Variants in LILRA2 observed in about 807,000 individuals in gnomAD.
LILRA2 encodes leukocyte immunoglobulin like receptor A2.
LILRA2 carries 45 observed loss-of-function variants against 47.9 expected under a neutral mutation model. That is an observed-to-expected ratio of 0.94 (90% CI 0.74 to 1.20). The LOEUF is 1.20. Among genes scored for constraint, LILRA2 ranks in the 50% most tolerant of loss-of-function variants. LILRA2 has a pLI of 0.00. For synonymous variants in LILRA2, 279 were observed against 249.2 expected (o/e 1.12, Z -1.13); for missense variants, 651 against 598.2 (o/e 1.09, Z -0.92).
intron 6 of LILRA2, among the ~76,000 whole-genome samples, chr19:54,578,074 T>C (rs2062527937): frequency 6.6e-6 from 1 of 151,692 alleles, no homozygotes; most frequent in Admixed American, 6.6e-5. Context: ...ACTTAAAGAA[T>C]TATTCAACAT....
intron 6 of LILRA2, among the ~76,000 whole-genome samples, chr19:54,585,041 C>T (rs1568524508): frequency 6.6e-6 from 1 of 152,230 alleles, no homozygotes; most frequent in Admixed American, 6.5e-5. Context: ...CCCTCAGCAG[C>T]AGGTCTGTTG....
chr19:54,582,885 A>T (rs2062684971), intron 6 of LILRA2, among the ~76,000 whole-genome samples: 1 of 152,042 alleles, frequency 6.6e-6, no homozygotes, highest in South Asian at 2.1e-4. Context: ...TCGATTTTAG[A>T]TCTTTCCTGC....
At position 54,575,000 on chromosome 19, in the gene LILRA2, C is replaced by T. The variant is rs769016926; in HGVS notation, c.622C>T (p.Leu208=). 8 of 1,614,212 alleles carry T rather than the reference C, an allele frequency of 5.0e-6. No individual in the cohort carries two copies. In the South Asian group the frequency reaches 6.6e-5, roughly 13 times the overall value. ...YDSNSPYVWS[L]PSDLLELLVP... is the part of the protein sequence containing the mutation. ...CTCGAACTCTCCCTATGTGTGGTCTCTACCCAGTGATCTCCTGGAGCTCCT... is the reference window on the plus strand; with the variant it reads ...CTCGAACTCTCCCTATGTGTGGTCTTTACCCAGTGATCTCCTGGAGCTCCT... Residue 208 remains leucine, a synonymous_variant, in exon 4 of 8, where the codon CTA becomes TTA. Transcript: ENST00000391738.
chr19:54,573,804 A>G lies in LILRA2; in HGVS notation c.-75A>G. 6.2e-7 allele frequency: 1 copy of G among 1,611,716 alleles called. No individual in the cohort carries two copies. Among genetic ancestry groups the G allele is most frequent in the Non-Finnish European group, 8.5e-7 (1 of 1,179,108 alleles). ...AAGGATCCAGCCTCCGAGTGTCCAC[A>G]CCCTGTGCGTCTCTCTGTCCTGCCA... is the stretch of plus-strand genomic sequence containing the variant. On this transcript the variant is annotated 5_prime_UTR_variant, in exon 1 of 8. Transcript: ENST00000391738.
chr19:54,573,390 G>T (rs1600184150), upstream of LILRA2: 3 of 876,464 alleles, frequency 3.4e-6, no homozygotes, highest in Non-Finnish European at 5.6e-6. Context: ...GCATGGACCT[G>T]GGTTTTCCCT....
chr19:54,574,067 C>G lies in LILRA2; in HGVS notation c.35-9C>G, dbSNP rs368907053. On this transcript the variant is annotated splice_polypyrimidine_tract_variant and intron_variant, in intron 1 of 7. Transcript: ENST00000391738. Reference sequence around the variant, plus strand: ...GGGGAAAAATCCCTCACAGGGAACTCTCTTCCAGGGCTGAGTCTGGGCCCC... The same window carrying G: ...GGGGAAAAATCCCTCACAGGGAACTGTCTTCCAGGGCTGAGTCTGGGCCCC... 2 of 1,614,080 alleles carry G rather than the reference C, an allele frequency of 1.2e-6. No homozygotes were observed. The highest frequency in any genetic ancestry group is 2.7e-5 in the African/African-American group (2 of 74,932).
Position 54,589,161 on chromosome 19 carries a change from G to A in LILRA2, c.*1815G>A, listed in dbSNP as rs2062883883. On this transcript the variant is annotated 3_prime_UTR_variant, in exon 8 of 8. Transcript: ENST00000391738. ...TATGATATCACTCAGATCAGATTAGGACTCATCCTAATTCGTTATGATCCC... is the reference window on the plus strand; with the variant it reads ...TATGATATCACTCAGATCAGATTAGAACTCATCCTAATTCGTTATGATCCC... The A allele has an allele frequency of 6.6e-6, 1 of 152,022 alleles. No individual in the cohort carries two copies. The highest frequency in any genetic ancestry group is 1.9e-4 in the East Asian group (1 of 5,194). 9.4% of individuals were successfully genotyped at this position (152,022 alleles called of 1,614,324 possible).
intron 6 of LILRA2, chr19:54,577,317 G>A: frequency 2.1e-6 from 1 of 470,234 alleles, no homozygotes; most frequent in South Asian, 2.1e-5. Context: ...AGAGGAAGGA[G>A]AACAGGCTGG....
At chr19:54,585,581 G>A (rs2062776074) in intron 6 of LILRA2, among the ~76,000 whole-genome samples, 1 of 152,238 alleles carries the variant, frequency 6.6e-6, no homozygotes, top group African/African-American at 2.4e-5. Flanking sequence ...GGCTCCGTGG[G>A]TGTGAGACCT....
intron 6 of LILRA2, among the ~76,000 whole-genome samples, chr19:54,585,681 C>A (rs2062779272): frequency 6.6e-6 from 1 of 152,218 alleles, no homozygotes; most frequent in Non-Finnish European, 1.5e-5. Context: ...GGTACTGTTT[C>A]TCCGGATACA....
In LILRA2 at chr19:54,577,033, C is replaced by G. The variant is rs1426000130; in HGVS notation, c.1255+924C>G. Among the ~76,000 whole-genome samples the G allele has an allele frequency of 2.7e-3, 409 of 151,224 alleles. No individual in the cohort carries two copies. The South Asian group carries it at 0.057, about 21-fold the overall frequency. On this transcript the variant is annotated intron_variant, in intron 6 of 7. Coordinates refer to ENST00000391738, the MANE Select transcript of LILRA2 (RefSeq NM_001130917.3). ...AGCCCTCTCTGGCCCTCTCCTAATTCTCCCAATAACTGAGACTTGTTAAGA... is the reference window on the plus strand; with the variant it reads ...AGCCCTCTCTGGCCCTCTCCTAATTGTCCCAATAACTGAGACTTGTTAAGA...
rs996574591 is a variant in LILRA2, at chr19:54,587,069, G to A, written c.1306+9G>A. Reference sequence around the variant, plus strand: ...GACAGACTCCACGACTAGTGAGTGAGGAGATGCTCTCAGTTATGGGACTGG... The same window carrying A: ...GACAGACTCCACGACTAGTGAGTGAAGAGATGCTCTCAGTTATGGGACTGG... On this transcript the variant is annotated intron_variant, in intron 7 of 7. Transcript: ENST00000391738. The A allele has an allele frequency of 3.1e-5, 50 of 1,613,448 alleles. No individual in the cohort carries two copies. Among genetic ancestry groups the A allele is most frequent in the Non-Finnish European group, 4.1e-5 (48 of 1,179,548 alleles).
At position 54,574,512 on chromosome 19, in the gene LILRA2, G is replaced by A. The variant is rs2062298997; in HGVS notation, c.282G>A (p.Arg94=). 6.2e-7 allele frequency: 1 copy of A among 1,614,002 alleles called. No individual in the cohort carries two copies. The part of the protein sequence containing the change: ...IPSITWEHAG[R]YHCQYYSHNH... ...CCATCACCTGGGAACACGCAGGGCGGTATCACTGTCAGTACTACAGCCACA... is the reference window on the plus strand; with the variant it reads ...CCATCACCTGGGAACACGCAGGGCGATATCACTGTCAGTACTACAGCCACA... The change falls in exon 3 of 8, where the codon CGG becomes CGA. Residue 94 remains arginine, a synonymous_variant. Transcript: ENST00000391738.
rs772195646 is a variant in LILRA2, at chr19:54,586,693, A to G, written c.1256-317A>G. 3.7e-3 allele frequency among the ~76,000 whole-genome samples: 561 copies of G among 152,282 alleles called. No homozygotes were observed. The South Asian group carries it at 0.073, about 20-fold the overall frequency. On this transcript the variant is annotated intron_variant, in intron 6 of 7. Transcript: ENST00000391738. ...GGCTCAGAGAGGACACAGAGAGCAC[A>G]CAAGGTCCCAGGCTGCACAGAGAGC... is the stretch of plus-strand genomic sequence containing the variant.
chr19:54,578,561 T>G (rs2062547576), intron 6 of LILRA2, among the ~76,000 whole-genome samples: 1 of 152,214 alleles, frequency 6.6e-6, no homozygotes, highest in African/African-American at 2.4e-5. Context: ...TTTGCTATTG[T>G]GATTAGTGCC....
In LILRA2 at chr19:54,573,905, C is replaced by T. The variant is rs1229727553; in HGVS notation, c.27C>T (p.Ile9=). 1 of 1,614,224 alleles carries T rather than the reference C, an allele frequency of 6.2e-7. No homozygotes were observed. Among genetic ancestry groups the T allele is most frequent in the South Asian group, 1.1e-5 (1 of 91,082 alleles). Residue 9 remains isoleucine (I), a synonymous_variant, in exon 1 of 8, where the codon ATC becomes ATT. Coordinates refer to ENST00000391738, the MANE Select transcript of LILRA2 (RefSeq NM_001130917.3). MTPILTVL[I]CLGLSLGPRT... ...TGACCCCCATCCTCACGGTCCTGAT[C>T]TGTCTCGGTGAGATTTGAAGAGGGA...
At chr19:54,576,191 A>T (rs2062425503) in intron 6 of LILRA2, 82 bp downstream of exon 6, 1 of 1,592,100 alleles carries the variant, frequency 6.3e-7, no homozygotes, top group African/African-American at 1.3e-5. Flanking sequence ...GACAATAATG[A>T]ATGAGGGGAG....
In LILRA2 at chr19:54,587,276, T is replaced by C; in HGVS notation, c.1382T>C (p.Val461Ala). ...ATGGGTGTGGCTGGCTTGGTCCTGG[T>C]GGTCCTCGGGATTCTGCTATTTGAG... ...IRMGVAGLVL[V>A]VLGILLFEAQ... The change falls in exon 8 of 8, where the codon GTG becomes GCG. Residue 461 changes from valine (V) to alanine (A), a missense_variant. Physicochemically the swap from Val to Ala is moderately conservative, Grantham distance 64. Transcript: ENST00000391738. 1.9e-6 allele frequency: 3 copies of C among 1,614,096 alleles called. No individual in the cohort carries two copies. The highest frequency in any genetic ancestry group is 1.1e-5 in the South Asian group (1 of 91,068).
At chr19:54,578,796 CTTT>C (rs1418231549) in intron 6 of LILRA2, among the ~76,000 whole-genome samples, 3 of 152,164 alleles carry the variant, frequency 2.0e-5, no homozygotes, top group Admixed American at 2.0e-4. Flanking sequence ...AGTTTCCTGA[CTTT>C]TTAATGATTG....
Sources: allele counts gnomAD v4.1 joint callset (sites outside exome capture counted in the v4.1 genomes callset), GRCh38; gene constraint gnomAD v4.1.1; transcripts MANE v1.5; gene names NCBI Gene and HGNC (gene_info 2026-07-23, HGNC 2026-07-21).